SLC16A13: variants seen among roughly 807,000 people sequenced by gnomAD.
SLC16A13 encodes the protein monocarboxylate transporter 13.
SLC16A13 carries 28 observed loss-of-function variants against 28.1 expected under a neutral mutation model. The observed-to-expected ratio is 1.00, with a 90% CI of 0.74 to 1.37. The LOEUF (loss-of-function observed/expected upper bound fraction) is 1.37, where lower values mean the gene tolerates loss of function less well. Ranked by LOEUF, SLC16A13 falls within the 40% of genes most tolerant of loss-of-function variation. The pLI, the probability that SLC16A13 is intolerant of heterozygous loss-of-function variation, is 0.00. For missense variants in SLC16A13, 482 were observed against 531.8 expected, an observed-to-expected ratio of 0.91 and a Z score of 0.92; for synonymous variants, 228 against 241.6, an observed-to-expected ratio of 0.94 and a Z score of 0.52.
Position 7,036,875 on chromosome 17 carries a change from G to GT in SLC16A13, c.343+5_343+6insT, listed in dbSNP as rs1438163351. 3.1e-6 allele frequency: 5 copies of GT among 1,611,444 alleles called. No individual in the cohort carries two copies. The highest frequency in any genetic ancestry group is 1.7e-5 in the Admixed American group (1 of 59,990). ...TGAGTATTGGGTTGCTGTCAGGTGAGAGCCTGCACAAGGGCAGGAGAGTCA... is the reference window on the plus strand; with the variant it reads ...TGAGTATTGGGTTGCTGTCAGGTGAGTAGCCTGCACAAGGGCAGGAGAGTCA... On this transcript the variant is annotated splice_donor_region_variant and intron_variant, in intron 2 of 3. Coordinates refer to ENST00000308027, the MANE Select transcript of SLC16A13 (RefSeq NM_201566.3).
At position 7,038,419 on chromosome 17, in the gene SLC16A13, G is replaced by T. The variant is rs750963688; in HGVS notation, c.611G>T (p.Arg204Met). The change falls in exon 3 of 4, where the codon AGG becomes ATG. Residue 204 changes from arginine to methionine, a missense_variant. Physicochemically the swap from Arg to Met is moderately conservative, Grantham distance 91. Coordinates refer to ENST00000308027, the MANE Select transcript of SLC16A13 (RefSeq NM_201566.3). This position sits in a 1 kb window ranked among gnomAD's most constrained non-coding sequence, Gnocchi z 5.7. The part of the protein sequence containing the change: ...LAEDPAVGGP[R>M]AQLTSLLHHG... ...GAGGACCCTGCTGTGGGTGGTCCCA[G>T]GGCCCAACTCACCTCTCTCCTCCAT... 1.9e-6 allele frequency: 3 copies of T among 1,614,048 alleles called. No homozygotes were observed. Among genetic ancestry groups the T allele is most frequent in the Non-Finnish European group, 2.5e-6 (3 of 1,179,976 alleles).
In SLC16A13 at chr17:7,036,453, C is replaced by T. The variant is rs1201581403; in HGVS notation, c.71C>T (p.Ser24Leu). The T allele has an allele frequency of 1.9e-6, 3 of 1,612,278 alleles. No individual in the cohort carries two copies. The highest frequency in any genetic ancestry group is 2.5e-6 in the Non-Finnish European group (3 of 1,180,020). ...WVVVLSAFFQ[S>L]ALVFGVLRSF... The stretch of plus-strand genomic sequence containing the variant: ...GTGGTGCTCTCAGCGTTCTTCCAGT[C>T]GGCGCTTGTGTTTGGGGTGCTCCGC... The change falls in exon 1 of 4, where the codon TCG becomes TTG. Residue 24 changes from serine to leucine, a missense_variant. By Grantham distance (145) the Ser-to-Leu change is moderately radical. Coordinates refer to ENST00000308027, the MANE Select transcript of SLC16A13 (RefSeq NM_201566.3).
Position 7,039,767 on chromosome 17 carries a change from C to T in SLC16A13, c.1086C>T (p.Tyr362=). Residue 362 remains tyrosine (Y), a synonymous_variant, in exon 4 of 4, where the codon TAC becomes TAT. Transcript: ENST00000308027. The surrounding 1 kb of genome is among the most constrained non-coding windows in gnomAD (Gnocchi z 4.3). ...GGLLGPPLSG[Y]LRDVTGNYTA... is the part of the protein sequence containing the mutation. ...CTTTTTCTCTCTTGGACCTAGGCTA[C>T]CTCCGGGATGTGACAGGCAACTACA... The T allele has an allele frequency of 6.2e-7, 1 of 1,614,192 alleles. No individual in the cohort carries two copies. Among genetic ancestry groups the T allele is most frequent in the Non-Finnish European group, 8.5e-7 (1 of 1,180,032 alleles).
At position 7,036,376 on chromosome 17, in the gene SLC16A13, C is replaced by A. The variant is rs776482970; in HGVS notation, c.-7C>A. On this transcript the variant is annotated 5_prime_UTR_variant, in exon 1 of 4. Coordinates refer to ENST00000308027, the MANE Select transcript of SLC16A13 (RefSeq NM_201566.3). The stretch of plus-strand genomic sequence containing the variant: ...CTCTGGGTGGCAGCAGCCCTGTTAC[C>A]GCTTAGATGGCGCGCAGGACAGAGC... 1.1e-5 allele frequency: 18 copies of A among 1,603,574 alleles called. No homozygotes were observed. The highest frequency in any genetic ancestry group is 1.4e-5 in the Non-Finnish European group (17 of 1,175,276).
At position 7,039,658 on chromosome 17, in the gene SLC16A13, A is replaced by C; in HGVS notation, c.1082-105A>C. The stretch of plus-strand genomic sequence containing the variant: ...ATCCAACTATTCCATGGGAGTTCCA[A>C]CTCCTCTGAGATGATAAGTCTTCCC... On this transcript the variant is annotated intron_variant, in intron 3 of 3. Coordinates refer to ENST00000308027, the MANE Select transcript of SLC16A13 (RefSeq NM_201566.3). The surrounding 1 kb of genome is among the most constrained non-coding windows in gnomAD (Gnocchi z 4.3). 1.7e-6 allele frequency: 2 copies of C among 1,204,874 alleles called. No individual in the cohort carries two copies. The highest frequency in any genetic ancestry group is 2.4e-6 in the Non-Finnish European group (2 of 841,966). 74.6% of individuals were successfully genotyped at this position (1,204,874 alleles called of 1,614,324 possible).
In SLC16A13 at chr17:7,038,927, A is replaced by T; in HGVS notation, c.1081+38A>T. 6.4e-7 allele frequency: 1 copy of T among 1,568,044 alleles called. No homozygotes were observed. Among genetic ancestry groups the T allele is most frequent in the Non-Finnish European group, 8.6e-7 (1 of 1,159,258 alleles). On this transcript the variant is annotated intron_variant, in intron 3 of 3. Coordinates refer to ENST00000308027, the MANE Select transcript of SLC16A13 (RefSeq NM_201566.3). This position sits in a 1 kb window ranked among gnomAD's most constrained non-coding sequence, Gnocchi z 5.7. ...GGGTTCCCAGGGGGTGAGGGCTGCC[A>T]TGTTGCACAACTAGGGGAGGGTACT... is the stretch of plus-strand genomic sequence containing the variant.
chr17:7,038,267 C>T lies in SLC16A13; in HGVS notation c.459C>T (p.Phe153=). The stretch of plus-strand genomic sequence containing the variant: ...TGACAGGCGTGGGCCTCTCCTCCTT[C>T]ACATTTGCCCCCTTTTTCCAGTGGC... ...LALTGVGLSS[F]TFAPFFQWLL... Residue 153 remains phenylalanine, a synonymous_variant, in exon 3 of 4, where the codon TTC becomes TTT. Coordinates refer to ENST00000308027, the MANE Select transcript of SLC16A13 (RefSeq NM_201566.3). The surrounding 1 kb of genome is among the most constrained non-coding windows in gnomAD (Gnocchi z 5.7). 1 of 1,614,170 alleles carries T rather than the reference C, an allele frequency of 6.2e-7. No individual in the cohort carries two copies. The highest frequency in any genetic ancestry group is 2.2e-5 in the East Asian group (1 of 44,878).
rs765199908 is a variant in SLC16A13, at chr17:7,038,914, G to C, written c.1081+25G>C. On this transcript the variant is annotated intron_variant, in intron 3 of 3. Transcript: ENST00000308027. The surrounding 1 kb of genome is among the most constrained non-coding windows in gnomAD (Gnocchi z 5.7). ...GGTAAGTGGAATGGGGTTCCCAGGG[G>C]GTGAGGGCTGCCATGTTGCACAACT... The C allele has an allele frequency of 6.3e-7, 1 of 1,579,698 alleles. No individual in the cohort carries two copies. Among genetic ancestry groups the C allele is most frequent in the Non-Finnish European group, 8.6e-7 (1 of 1,164,208 alleles).
chr17:7,036,916 G>T, intron 2 of SLC16A13, 46 bp downstream of exon 2: 1 of 1,597,398 alleles, frequency 6.3e-7, no homozygotes, highest in South Asian at 1.1e-5. Flanking sequence ...TTAGATCGTT[G>T]GATGTTCACC....
At position 7,036,181 on chromosome 17, in the gene SLC16A13, G is replaced by C; in HGVS notation, c.-202G>C. 3 of 543,876 alleles carry C rather than the reference G, an allele frequency of 5.5e-6. No individual in the cohort carries two copies. The highest frequency in any genetic ancestry group is 9.6e-6 in the Non-Finnish European group (3 of 310,892). The allele number at this position is 543,876 out of a possible 1,614,324, so 33.7% of individuals were successfully genotyped here. On this transcript the variant is annotated 5_prime_UTR_variant, in exon 1 of 4. Transcript: ENST00000308027. ...ACTCTGGCCCGGCCAGCGCGGGCCA[G>C]GTCTTCAGTCCTATATCGCCCCGCC...
chr17:7,040,030 T>C lies in SLC16A13; in HGVS notation c.*68T>C. The C allele has an allele frequency of 1.4e-6, 2 of 1,447,122 alleles. No individual in the cohort carries two copies. The highest frequency in any genetic ancestry group is 1.4e-5 in the African/African-American group (1 of 71,686). The allele number at this position is 1,447,122 out of a possible 1,614,324, so 89.6% of individuals were successfully genotyped here. ...CAGGTCTTCTCTTGCCACGTCTTGG[T>C]CTCCACAGAACCACAGTGCCTTAAG... On this transcript the variant is annotated 3_prime_UTR_variant, in exon 4 of 4. Coordinates refer to ENST00000308027, the MANE Select transcript of SLC16A13 (RefSeq NM_201566.3).
At position 7,039,656 on chromosome 17, in the gene SLC16A13, C is replaced by A; in HGVS notation, c.1082-107C>A. 8.5e-7 allele frequency: 1 copy of A among 1,180,828 alleles called. No homozygotes were observed. The highest frequency in any genetic ancestry group is 1.2e-6 in the Non-Finnish European group (1 of 821,036). 73.1% of individuals were successfully genotyped at this position (1,180,828 alleles called of 1,614,324 possible). A position where few individuals can be genotyped will look rare whatever the true frequency, so the allele number is the denominator to read the frequency against. ...TTATCCAACTATTCCATGGGAGTTC[C>A]AACTCCTCTGAGATGATAAGTCTTC... On this transcript the variant is annotated intron_variant, in intron 3 of 3. Transcript: ENST00000308027. The surrounding 1 kb of genome is among the most constrained non-coding windows in gnomAD (Gnocchi z 4.3).
chr17:7,039,414 C>T lies in SLC16A13; in HGVS notation c.1082-349C>T, dbSNP rs547232294. Among the ~76,000 whole-genome samples, 107 of 151,156 alleles carry T rather than the reference C, an allele frequency of 7.1e-4. 1 individual carries two copies. Among genetic ancestry groups the T allele is most frequent in the African/African-American group, 2.5e-3 (104 of 41,070 alleles). On this transcript the variant is annotated intron_variant, in intron 3 of 3. Transcript: ENST00000308027. The surrounding 1 kb of genome is among the most constrained non-coding windows in gnomAD (Gnocchi z 4.3). ...GGCGGAGCTTGCAGTGAGCTGAGAT[C>T]GCGCCACTGCACTTCAGCCTGGGCG...
chr17:7,036,341 C>G lies in SLC16A13; in HGVS notation c.-42C>G. On this transcript the variant is annotated 5_prime_UTR_variant, in exon 1 of 4. Transcript: ENST00000308027. The stretch of plus-strand genomic sequence containing the variant: ...GAGGTGCGGCGTCCAGAACCCGGCT[C>G]CTGCAGAGGCTCTGGGTGGCAGCAG... 6.4e-7 allele frequency: 1 copy of G among 1,563,108 alleles called. No individual in the cohort carries two copies. Among genetic ancestry groups the G allele is most frequent in the Non-Finnish European group, 8.7e-7 (1 of 1,155,340 alleles).
chr17:7,038,819 G>A lies in SLC16A13; in HGVS notation c.1011G>A (p.Arg337=). 2.5e-6 allele frequency: 4 copies of A among 1,613,930 alleles called. No homozygotes were observed. The highest frequency in any genetic ancestry group is 1.7e-6 in the Non-Finnish European group (2 of 1,179,908). Residue 337 remains arginine (R), a synonymous_variant, in exon 3 of 4, where the codon AGG becomes AGA. Transcript: ENST00000308027. This position sits in a 1 kb window ranked among gnomAD's most constrained non-coding sequence, Gnocchi z 5.7. ...TGCCTGAACTAATAGGGACTAGAAG[G>A]ATTTACTGTGGCCTGGGACTGTTGC... is the stretch of plus-strand genomic sequence containing the variant. ...SVLPELIGTR[R]IYCGLGLLQM...
At chr17:7,037,341 CAAAAAAAA>C (rs57010713) in intron 2 of SLC16A13, among the ~76,000 whole-genome samples, 1 of 41,996 alleles carries the variant, frequency 2.4e-5, no homozygotes, top group Non-Finnish European at 4.4e-5. Flanking sequence ...GATTCTGTCT[CAAAAAAAA>C]AAAAAAAAAA....
In SLC16A13 at chr17:7,036,463, GT is replaced by G. The variant is rs751339856; in HGVS notation, c.84del (p.Phe28LeufsTer31). On this transcript the variant is annotated frameshift_variant, in exon 1 of 4. Coordinates refer to ENST00000308027, the MANE Select transcript of SLC16A13 (RefSeq NM_201566.3). LOFTEE classifies it high-confidence loss of function. The part of the protein sequence containing the change: ...LSAFFQSALV[F>X]GVLRSFGVFF... ...CAGCGTTCTTCCAGTCGGCGCTTGTGTTTGGGGTGCTCCGCTCCTTTGGGGT... is the reference window on the plus strand; with the variant it reads ...CAGCGTTCTTCCAGTCGGCGCTTGTGTTGGGGTGCTCCGCTCCTTTGGGGT... The G allele has an allele frequency of 6.2e-7, 1 of 1,612,368 alleles. No homozygotes were observed. The highest frequency in any genetic ancestry group is 1.3e-5 in the African/African-American group (1 of 75,002).
chr17:7,037,438 T>G, intron 2 of SLC16A13, among the ~76,000 whole-genome samples: 1 of 107,728 alleles, frequency 9.3e-6, no homozygotes, highest in Non-Finnish European at 2.1e-5. Flanking sequence ...TATAAAATGG[T>G]GCTAGGGGCC....
chr17:7,038,131 C>A lies in SLC16A13; in HGVS notation c.344-21C>A, dbSNP rs752465600. On this transcript the variant is annotated intron_variant, in intron 2 of 3. Transcript: ENST00000308027. The surrounding 1 kb of genome is among the most constrained non-coding windows in gnomAD (Gnocchi z 5.7). ...TTGAGCTCCCTAAGAGTTCTCAACACCACTTCTTCCTTTTTGACAGGCTCT... is the reference window on the plus strand; with the variant it reads ...TTGAGCTCCCTAAGAGTTCTCAACAACACTTCTTCCTTTTTGACAGGCTCT... 1 of 1,599,528 alleles carries A rather than the reference C, an allele frequency of 6.3e-7. No homozygotes were observed. Among genetic ancestry groups the A allele is most frequent in the Non-Finnish European group, 8.5e-7 (1 of 1,172,798 alleles).
Sources: gnomAD v4.1 joint callset for allele counts (sites outside exome capture counted in the v4.1 genomes callset) on GRCh38, gnomAD v4.1.1 for gene constraint, Gnocchi (gnomAD v3.1) non-coding constraint, MANE v1.5 for transcripts, NCBI Gene and HGNC (gene_info 2026-07-23, HGNC 2026-07-21) for gene names.